LBP: variants seen among roughly 807,000 people sequenced by gnomAD.
The protein encoded by LBP is lipopolysaccharide-binding protein.
LBP carries 53 observed loss-of-function variants against 56.6 expected under a neutral mutation model. That is an observed-to-expected ratio of 0.94 (90% CI 0.75 to 1.18). The LOEUF is 1.18. Among genes scored for constraint, LBP ranks in the 50% most tolerant of loss-of-function variants. The pLI is 0.00. For synonymous variants in LBP, 227 were observed against 247.5 expected, an observed-to-expected ratio of 0.92 and a Z score of 0.78; for missense variants, 601 against 598.3, an observed-to-expected ratio of 1.00 and a Z score of -0.05.
chr20:38,362,295 C>T (rs1301292336), intron 6 of LBP, among the ~76,000 whole-genome samples: 4 of 145,702 alleles, frequency 2.7e-5, no homozygotes, highest in Admixed American at 6.7e-5. Context: ...CTCCTGACCT[C>T]GTGATCCGCC....
At chr20:38,361,697 G>A (rs949428332) in intron 6 of LBP, among the ~76,000 whole-genome samples, 1 of 152,176 alleles carries the variant, frequency 6.6e-6, no homozygotes, top group Admixed American at 6.5e-5. Context: ...GAGCCACTGT[G>A]CCAGCTTGAT....
chr20:38,365,158 C>A (rs1359988885), intron 8 of LBP, among the ~76,000 whole-genome samples: 1 of 146,592 alleles, frequency 6.8e-6, no homozygotes, highest in African/African-American at 2.6e-5. Flanking sequence ...TCGCTTGAAC[C>A]CAGGAGGTGG....
intron 5 of LBP, among the ~76,000 whole-genome samples, chr20:38,356,836 C>T (rs929896620): frequency 3.9e-5 from 6 of 152,044 alleles, no homozygotes; most frequent in African/African-American, 1.4e-4. Flanking sequence ...CAGCAGTTCA[C>T]GTGCACAGTC....
chr20:38,354,437 G>C lies in LBP; in HGVS notation c.522G>C (p.Leu174Phe). The C allele has an allele frequency of 6.2e-7, 1 of 1,609,730 alleles. No homozygotes were observed. Among genetic ancestry groups the C allele is most frequent in the Non-Finnish European group, 8.5e-7 (1 of 1,177,940 alleles). ...ADVEVDMSGD[L>F]GWLLNLFHNQ... Reference sequence around the variant, plus strand: ...TGGAGGTGGACATGTCGGGAGACTTGGGGTAGGTCTCCATCGGGGCACTGC... The same window carrying C: ...TGGAGGTGGACATGTCGGGAGACTTCGGGTAGGTCTCCATCGGGGCACTGC... The change falls in exon 4 of 15, where the codon TTG (leucine) becomes TTC (phenylalanine). Residue 174 changes from leucine (L) to phenylalanine (F), a missense_variant and splice_region_variant. Transcript: ENST00000217407.
rs1238327386 is a variant in LBP at position 38,366,828 on chromosome 20, G to A, written c.981G>A (p.Arg327=). ...TTKSFRPFVP[R]LARLYPNMNL... ...AGTCCTTCCGACCCTTCGTCCCACGGGTAAGGAGTCCCTTAGTTCCCCATG... is the reference window on the plus strand; with the variant it reads ...AGTCCTTCCGACCCTTCGTCCCACGAGTAAGGAGTCCCTTAGTTCCCCATG... Residue 327 remains arginine, a splice_region_variant and synonymous_variant, in exon 9 of 15, where the codon CGG becomes CGA. Transcript: ENST00000217407. 6.2e-7 allele frequency: 1 copy of A among 1,613,846 alleles called. No individual in the cohort carries two copies. Among genetic ancestry groups the A allele is most frequent in the African/African-American group, 1.3e-5 (1 of 74,986 alleles).
intron 6 of LBP, among the ~76,000 whole-genome samples, chr20:38,363,167 CT>C (rs1278752938): frequency 2.0e-4 from 30 of 152,126 alleles, no homozygotes; most frequent in African/African-American, 7.2e-4. Context: ...GGTCGCATGT[CT>C]TTGGGTATAT....
intron 1 of LBP, among the ~76,000 whole-genome samples, chr20:38,347,129 G>A (rs1047624822): frequency 7.2e-5 from 11 of 152,204 alleles, no homozygotes; most frequent in Admixed American, 1.3e-4. Context: ...CGGGGTGCTG[G>A]AAGTTGCCAT....
intron 14 of LBP, 39 bp from the exon 15 acceptor site, chr20:38,376,586 G>T (rs1238460681): frequency 6.3e-7 from 1 of 1,590,426 alleles, no homozygotes; most frequent in Admixed American, 1.7e-5. Flanking sequence ...TGGAGTAGAG[G>T]ATGCTCTTTA....
In LBP at chr20:38,360,720, A is replaced by C; in HGVS notation, c.605A>C (p.Gln202Pro). 6.2e-7 allele frequency: 1 copy of C among 1,613,154 alleles called. No individual in the cohort carries two copies. The stretch of plus-strand genomic sequence containing the variant: ...GTTTTTCAGATTTGCGAAATGATCC[A>C]GAAATCAGTGTCCTCCGATCTACAG... Reference protein sequence around the residue: ...VLESRICEMIQKSVSSDLQPY... With the variant: ...VLESRICEMIPKSVSSDLQPY... Residue 202 changes from glutamine (Q) to proline (P), a missense_variant, in exon 6 of 15, where the codon CAG (glutamine) becomes CCG (proline). Physicochemically the swap from Gln to Pro is moderately conservative, Grantham distance 76. Transcript: ENST00000217407.
chr20:38,370,879 C>G, intron 11 of LBP, 74 bp downstream of exon 11: 1 of 1,260,292 alleles, frequency 7.9e-7, no homozygotes, highest in Non-Finnish European at 1.2e-6. Context: ...TTCTCTGTAG[C>G]TGGTGGGAGG....
chr20:38,362,627 AT>A (rs2076865217), intron 6 of LBP, among the ~76,000 whole-genome samples: 1 of 148,772 alleles, frequency 6.7e-6, no homozygotes, highest in Non-Finnish European at 1.5e-5. Flanking sequence ...AAGAAAAAAA[AT>A]AATAAATAAT....
At chr20:38,366,303 G>A (rs972751995) in intron 8 of LBP, among the ~76,000 whole-genome samples, 1 of 152,138 alleles carries the variant, frequency 6.6e-6, no homozygotes, top group African/African-American at 2.4e-5. Context: ...ACTGCGGCAC[G>A]GGCCTCTCTT....
intron 1 of LBP, among the ~76,000 whole-genome samples, chr20:38,348,987 G>A (rs1474472470): frequency 6.6e-6 from 1 of 151,766 alleles, no homozygotes; most frequent in East Asian, 1.9e-4. Flanking sequence ...CAGAGATGAA[G>A]TTTCACCATA....
intron 2 of LBP, 116 bp downstream of exon 2, chr20:38,349,778 C>G (rs1040425794): frequency 2.8e-6 from 2 of 719,304 alleles, no homozygotes; most frequent in Non-Finnish European, 4.6e-6. Context: ...CTCTCCGGGG[C>G]AGACAGTGGG....
At chr20:38,348,596 C>G (rs1369073800) in intron 1 of LBP, among the ~76,000 whole-genome samples, 1 of 152,026 alleles carries the variant, frequency 6.6e-6, no homozygotes, top group Non-Finnish European at 1.5e-5. Context: ...CTGCGCCCGA[C>G]CCCTTTCCAT....
chr20:38,364,535 A>G (rs1247033280), intron 7 of LBP, 41 bp from the exon 8 acceptor site: 1 of 1,603,182 alleles, frequency 6.2e-7, no homozygotes, highest in Admixed American at 1.7e-5. Flanking sequence ...GCCCCACGAT[A>G]GGCTTTGAAA....
intron 1 of LBP, 82 bp from the exon 2 acceptor site, chr20:38,349,466 A>T: frequency 1.0e-6 from 1 of 979,002 alleles, no homozygotes; most frequent in Non-Finnish European, 1.6e-6. Flanking sequence ...TCTCTTGAGG[A>T]CAGGTGGGAG....
At chr20:38,364,093 G>A in intron 7 of LBP, 27 bp downstream of exon 7, 1 of 1,509,174 alleles carries the variant, frequency 6.6e-7, no homozygotes, top group Non-Finnish European at 9.2e-7. Context: ...CGGGCTGCGT[G>A]GGTGAGGCTT....
At chr20:38,374,410 A>G (rs187296308) in intron 14 of LBP, among the ~76,000 whole-genome samples, 5 of 152,228 alleles carry the variant, frequency 3.3e-5, no homozygotes, top group Admixed American at 1.3e-4. Flanking sequence ...CAGCCTGGCC[A>G]ACATGGTGAA....
Sources: gnomAD v4.1 joint callset for allele counts (sites outside exome capture counted in the v4.1 genomes callset) on GRCh38, gnomAD v4.1.1 for gene constraint, MANE v1.5 for transcripts, NCBI Gene and HGNC (gene_info 2026-07-23, HGNC 2026-07-21) for gene names.